The following OR1L6 variants were observed in gnomAD, a reference collection of about 807,000 sequenced individuals.
The protein encoded by OR1L6 is olfactory receptor 1L6.
Under a neutral mutation model 3.0 loss-of-function variants are expected in OR1L6, and 2 were observed. That is an observed-to-expected ratio of 0.68 (90% CI 0.28 to 2.13). OR1L6 has a LOEUF of 2.13. Ranked by LOEUF, OR1L6 falls within the 30% of genes most tolerant of loss-of-function variation. The pLI is 0.14. For missense variants in OR1L6, 304 were observed against 378.4 expected, an observed-to-expected ratio of 0.80 and a Z score of 1.63; for synonymous variants, 121 against 148.4, an observed-to-expected ratio of 0.82 and a Z score of 1.34.
At chr9:122,745,632 T>C (rs1828829453) in intron 1 of OR1L6, among the ~76,000 whole-genome samples, 2 of 151,948 alleles carry the variant, frequency 1.3e-5, no homozygotes. Flanking sequence ...CAGGATGGTC[T>C]TGATCTCCTC....
rs1164483787 is a variant in OR1L6, at chr9:122,750,200, C to T, written c.353C>T (p.Ser118Phe). The T allele has an allele frequency of 2.5e-6, 4 of 1,613,914 alleles. No homozygotes were observed. Among genetic ancestry groups the T allele is most frequent in the Non-Finnish European group, 3.4e-6 (4 of 1,179,974 alleles). ...FGNTDSYLLASMAIDRLVAIC... is the reference protein window; with the variant it reads ...FGNTDSYLLAFMAIDRLVAIC... ...AACACTGACAGCTACCTGCTGGCCT[C>T]TATGGCCATCGACCGGCTGGTGGCC... The change falls in exon 2 of 2, where the codon TCT becomes TTT. Residue 118 changes from serine to phenylalanine, a missense_variant. This residue lies in a region of OR1L6 where 192 missense variants were observed against 242.7 expected (regional missense o/e 0.79). Coordinates refer to ENST00000304720, the MANE Select transcript of OR1L6 (RefSeq NM_001004453.3).
rs760800440 is a variant in OR1L6 at position 122,749,851 on chromosome 9, G to A, written c.4G>A (p.Glu2Lys). The change falls in exon 2 of 2, where the codon GAG becomes AAG. Residue 2 changes from glutamate to lysine, a missense_variant. Physicochemically the swap from Glu to Lys is moderately conservative, Grantham distance 56. Transcript: ENST00000304720. M[E>K]IKNYSSSTSG... ...CCTATCCAGGAAGTCCAGAGACATG[G>A]AGATAAAGAACTACAGCAGCAGCAC... 1 of 1,614,070 alleles carries A rather than the reference G, an allele frequency of 6.2e-7. No homozygotes were observed. The highest frequency in any genetic ancestry group is 8.5e-7 in the Non-Finnish European group (1 of 1,180,036).
rs1337581052 is a variant in OR1L6 at position 122,750,769 on chromosome 9, A to T, written c.922A>T (p.Arg308Ter). The change falls in exon 2 of 2, where the codon AGA becomes TGA. Residue 308 changes from arginine (R) to a stop codon, truncating the protein, a stop_gained. Coordinates refer to ENST00000304720, the MANE Select transcript of OR1L6 (RefSeq NM_001004453.3). LOFTEE classifies it high-confidence loss of function. ...MKRGLKKLQD[R>*]IYR ...GAGGGGTTTGAAGAAATTACAGGAC[A>T]GAATTTACCGGTAAAAGGAACAAAA... 6.2e-7 allele frequency: 1 copy of T among 1,602,974 alleles called. No homozygotes were observed. Among genetic ancestry groups the T allele is most frequent in the Non-Finnish European group, 8.5e-7 (1 of 1,174,764 alleles).
intron 1 of OR1L6, among the ~76,000 whole-genome samples, chr9:122,748,932 A>ATT (rs1828862000): frequency 6.6e-6 from 1 of 152,068 alleles, no homozygotes; most frequent in African/African-American, 2.4e-5. Flanking sequence ...ACAGTATTCC[A>ATT]TTGTGTGTGT....
chr9:122,749,738 C>A, intron 1 of OR1L6, 97 bp from the exon 2 acceptor site: 1 of 1,129,424 alleles, frequency 8.9e-7, no homozygotes. Flanking sequence ...TAACAAAGGG[C>A]TATGAGCTAT....
intron 1 of OR1L6, chr9:122,749,596 T>C: frequency 1.9e-6 from 1 of 532,508 alleles, no homozygotes; most frequent in South Asian, 2.2e-5. Flanking sequence ...TAGTCCCAGC[T>C]ACTCGGGAGG....
intron 1 of OR1L6, among the ~76,000 whole-genome samples, chr9:122,744,792 G>A (rs1025121612): frequency 1.3e-5 from 2 of 152,138 alleles, no homozygotes; most frequent in Non-Finnish European, 2.9e-5. Context: ...GTAGAAAGTG[G>A]CACACACACA....
intron 1 of OR1L6, among the ~76,000 whole-genome samples, chr9:122,749,268 C>T (rs1158861880): frequency 2.0e-5 from 3 of 152,070 alleles, no homozygotes; most frequent in Admixed American, 6.5e-5. Flanking sequence ...ATTTTAGAAT[C>T]GCTTTTTTCT....
At chr9:122,746,357 C>G (rs1051951031) in intron 1 of OR1L6, among the ~76,000 whole-genome samples, 4 of 152,180 alleles carry the variant, frequency 2.6e-5, no homozygotes, top group African/African-American at 9.7e-5. Flanking sequence ...GCACTGAACT[C>G]AGTGTGTAGC....
At chr9:122,749,719 A>C (rs1564249676) in intron 1 of OR1L6, 116 bp from the exon 2 acceptor site, 3 of 1,018,652 alleles carry the variant, frequency 2.9e-6, no homozygotes, top group Non-Finnish European at 4.5e-6. Flanking sequence ...AAGAAAAAAA[A>C]AACAACCGTA....
intron 1 of OR1L6, among the ~76,000 whole-genome samples, chr9:122,749,254 A>T (rs1052165812): frequency 1.7e-4 from 26 of 152,272 alleles, no homozygotes; most frequent in Admixed American, 1.2e-3. Context: ...TGGGTTCCAC[A>T]TGAATTTTAG....
intron 1 of OR1L6, 192 bp from the exon 2 acceptor site, chr9:122,749,643 G>T: frequency 3.0e-6 from 2 of 661,054 alleles, no homozygotes; most frequent in South Asian, 1.8e-5. Flanking sequence ...GAGAGGCGGA[G>T]CTTGCAGTGA....
intron 1 of OR1L6, among the ~76,000 whole-genome samples, chr9:122,746,263 C>A (rs748849500): frequency 2.6e-4 from 39 of 152,146 alleles, no homozygotes; most frequent in Admixed American, 1.3e-4. Context: ...TTGCTACACT[C>A]TAAATTTATA....
chr9:122,750,000 CT>C lies in OR1L6; in HGVS notation c.154del (p.Ser52LeufsTer27), dbSNP rs1194790500. ...GNVLIIPAIY[S>X]DPRLHTPMYF... is the part of the protein sequence containing the mutation. ...ATGTGCTCATCATCCCGGCCATCTA[CT>C]CTGACCCCAGGCTCCACACCCCTAT... On this transcript the variant is annotated frameshift_variant, in exon 2 of 2. Coordinates refer to ENST00000304720, the MANE Select transcript of OR1L6 (RefSeq NM_001004453.3). LOFTEE classifies it low-confidence loss of function (END_TRUNC). 6.2e-7 allele frequency: 1 copy of C among 1,614,068 alleles called. No homozygotes were observed. Among genetic ancestry groups the C allele is most frequent in the Non-Finnish European group, 8.5e-7 (1 of 1,180,038 alleles).
At chr9:122,747,053 G>T (rs557766451) in intron 1 of OR1L6, among the ~76,000 whole-genome samples, 43 of 152,096 alleles carry the variant, frequency 2.8e-4, no homozygotes, top group African/African-American at 1.0e-3. Context: ...TTGTAGTTTG[G>T]ATTTTTAACT....
chr9:122,746,957 G>A (rs1350946217), intron 1 of OR1L6, among the ~76,000 whole-genome samples: 3 of 151,930 alleles, frequency 2.0e-5, no homozygotes, highest in Non-Finnish European at 4.4e-5. Flanking sequence ...TGTCATTCTT[G>A]TTCTTCATTT....
intron 1 of OR1L6, among the ~76,000 whole-genome samples, chr9:122,749,304 C>A (rs1026764958): frequency 6.6e-6 from 1 of 151,834 alleles, no homozygotes; most frequent in Admixed American, 6.6e-5. Flanking sequence ...GATATTTCTA[C>A]GTTGATAGGG....
intron 1 of OR1L6, among the ~76,000 whole-genome samples, chr9:122,743,227 T>A (rs1033076032): frequency 6.6e-6 from 1 of 152,118 alleles, no homozygotes; most frequent in Non-Finnish European, 1.5e-5. Context: ...GAGGTAGGCA[T>A]CCAGAAAATC....
intron 1 of OR1L6, among the ~76,000 whole-genome samples, chr9:122,744,158 T>C (rs759564958): frequency 6.6e-5 from 10 of 152,220 alleles, no homozygotes; most frequent in African/African-American, 9.6e-5. Context: ...AGACTCTGTC[T>C]AATAAATGTT....
Sources: allele counts gnomAD v4.1 joint callset (sites outside exome capture counted in the v4.1 genomes callset), GRCh38; gene constraint gnomAD v4.1.1; regional missense constraint gnomAD v4.1.1; transcripts MANE v1.5; gene names NCBI Gene and HGNC (gene_info 2026-07-23, HGNC 2026-07-21).